The following CD180 variants were observed in gnomAD, a reference collection of about 807,000 sequenced individuals.
CD180 encodes CD180 antigen.
CD180 carries 11 observed loss-of-function variants against 10.7 expected under a neutral mutation model. That is an observed-to-expected ratio of 1.03 (90% CI 0.65 to 1.70). CD180 has a LOEUF of 1.70. CD180 is among the 40% of genes most tolerant of loss of function. CD180 has a pLI of 0.00. For missense variants in CD180, 729 were observed against 775.2 expected, an observed-to-expected ratio of 0.94 and a Z score of 0.71; for synonymous variants, 286 against 294.6, an observed-to-expected ratio of 0.97 and a Z score of 0.30.
Position 67,180,008 on chromosome 5 carries a change from A to T in CD180, c.*2849T>A, listed in dbSNP as rs1011280343. 6.6e-6 allele frequency: 1 copy of T among 152,258 alleles called. No homozygotes were observed. Among genetic ancestry groups the T allele is most frequent in the Non-Finnish European group, 1.5e-5 (1 of 68,044 alleles). 9.4% of individuals were successfully genotyped at this position (152,258 alleles called of 1,614,324 possible). A position where few individuals can be genotyped will look rare whatever the true frequency, so the allele number is the denominator to read the frequency against. On this transcript the variant is annotated 3_prime_UTR_variant, in exon 3 of 3. Transcript: ENST00000256447. ...ATAAACACACCATGTTACAGAGTCT[A>T]TCCTAGTAAACAGGTTAAAGCAATA...
At chr5:67,187,042 G>A (rs1429510952) in intron 1 of CD180, among the ~76,000 whole-genome samples, 1 of 152,164 alleles carries the variant, frequency 6.6e-6, no homozygotes, top group Non-Finnish European at 1.5e-5. Context: ...AGACTGTCAG[G>A]TAATTTTGAA....
chr5:67,187,950 T>C (rs1303840144), intron 1 of CD180, among the ~76,000 whole-genome samples: 1 of 152,054 alleles, frequency 6.6e-6, no homozygotes, highest in Non-Finnish European at 1.5e-5. Context: ...GGTAGGCAGA[T>C]CACGAGGTCA....
At chr5:67,188,720 T>C (rs1169854516) in intron 1 of CD180, among the ~76,000 whole-genome samples, 1 of 151,666 alleles carries the variant, frequency 6.6e-6, no homozygotes, top group African/African-American at 2.4e-5. Context: ...CAATTTCTGC[T>C]TAGCGATGCA....
chr5:67,183,924 C>G lies in CD180; in HGVS notation c.919G>C (p.Ala307Pro). ...FTQLQELDLT[A>P]THLKGLPSGM... is the part of the protein sequence containing the mutation. ...GAGGGTAACCCTTTCAAGTGAGTTG[C>G]TGTCAGATCCAATTCTTGGAGTTGG... Residue 307 changes from alanine (A) to proline (P), a missense_variant, in exon 3 of 3, where the codon GCA becomes CCA. By Grantham distance (27) the Ala-to-Pro change is conservative. Coordinates refer to ENST00000256447, the MANE Select transcript of CD180 (RefSeq NM_005582.3). 4 of 1,614,170 alleles carry G rather than the reference C, an allele frequency of 2.5e-6. No homozygotes were observed. Among genetic ancestry groups the G allele is most frequent in the Non-Finnish European group, 3.4e-6 (4 of 1,180,020 alleles).
In CD180 at chr5:67,196,677, C is replaced by T. The variant is rs898964400; in HGVS notation, c.-36G>A. On this transcript the variant is annotated 5_prime_UTR_variant, in exon 1 of 3. Transcript: ENST00000256447. ...GATTGCTTGGTGGGTTTACCTAATG[C>T]TTGGAGCTGAGAAATGGAATCAAAC... 2.5e-6 allele frequency: 4 copies of T among 1,613,210 alleles called. No individual in the cohort carries two copies. The East Asian group carries it at 6.7e-5, about 27-fold the overall frequency.
At chr5:67,184,809 C>T (rs574001951) in intron 2 of CD180, among the ~76,000 whole-genome samples, 3 of 151,978 alleles carry the variant, frequency 2.0e-5, no homozygotes, top group Non-Finnish European at 4.4e-5. Flanking sequence ...TTAGATTGAA[C>T]CCTCAGAGGT....
In CD180 at chr5:67,183,015, G is replaced by C. The variant is rs759441508; in HGVS notation, c.1828C>G (p.Pro610Ala). The change falls in exon 3 of 3, where the codon CCG (proline) becomes GCG (alanine). Residue 610 changes from proline to alanine, a missense_variant. Physicochemically the swap from Pro to Ala is conservative, Grantham distance 27 (BLOSUM62 -1). Transcript: ENST00000256447. ...EGSEETTCAN[P>A]PSLRGVKLSD... ...AGCTTAACTCCCCTTAGAGATGGCG[G>C]GTTTGCACACGTGGTCTCCTCCGAG... 1.2e-6 allele frequency: 2 copies of C among 1,614,218 alleles called. No individual in the cohort carries two copies. The highest frequency in any genetic ancestry group is 1.7e-6 in the Non-Finnish European group (2 of 1,180,038).
Position 67,196,670 on chromosome 5 carries a change from C to A in CD180, c.-29G>T. 1 of 1,613,624 alleles carries A rather than the reference C, an allele frequency of 6.2e-7. No individual in the cohort carries two copies. Among genetic ancestry groups the A allele is most frequent in the Non-Finnish European group, 8.5e-7 (1 of 1,179,786 alleles). On this transcript the variant is annotated 5_prime_UTR_variant, in exon 1 of 3. Coordinates refer to ENST00000256447, the MANE Select transcript of CD180 (RefSeq NM_005582.3). ...AGGCTAGGATTGCTTGGTGGGTTTA[C>A]CTAATGCTTGGAGCTGAGAAATGGA...
intron 1 of CD180, among the ~76,000 whole-genome samples, chr5:67,190,267 T>G (rs964399247): frequency 6.6e-6 from 1 of 152,242 alleles, no homozygotes; most frequent in Non-Finnish European, 1.5e-5. Context: ...GAAACATTTT[T>G]GAGCATGAGT....
chr5:67,184,159 G>C lies in CD180; in HGVS notation c.684C>G (p.Asn228Lys), dbSNP rs1254284590. The C allele has an allele frequency of 2.5e-6, 4 of 1,614,082 alleles. No homozygotes were observed. The highest frequency in any genetic ancestry group is 2.2e-5 in the South Asian group (2 of 91,074). The change falls in exon 3 of 3, where the codon AAC (asparagine) becomes AAG (lysine). Residue 228 changes from asparagine to lysine, a missense_variant. Coordinates refer to ENST00000256447, the MANE Select transcript of CD180 (RefSeq NM_005582.3). ...AFDSTIFQSL[N>K]FGGTPNLSVI... ...CAGACAAATTTGGAGTTCCTCCAAA[G>C]TTCAAACTTTGGAAGATCGTTGAAT...
rs560191770 is a variant in CD180, at chr5:67,193,015, A to G, written c.90+3537T>C. Among the ~76,000 whole-genome samples, 6 of 152,318 alleles carry G rather than the reference A, an allele frequency of 3.9e-5. No individual in the cohort carries two copies. In the East Asian group the frequency reaches 1.2e-3, roughly 29 times the overall value. ...AAGTTTGAATCCTTCTGCTGCGTAA[A>G]TGAATTTGATTGGGAAGCTGAGTGG... is the stretch of plus-strand genomic sequence containing the variant. On this transcript the variant is annotated intron_variant, in intron 1 of 2. Transcript: ENST00000256447.
At chr5:67,193,577 G>T (rs1386503329) in intron 1 of CD180, among the ~76,000 whole-genome samples, 2 of 152,216 alleles carry the variant, frequency 1.3e-5, no homozygotes, top group African/African-American at 4.8e-5. Context: ...ATACAGATCT[G>T]ATGCTAACTG....
chr5:67,183,907 C>G lies in CD180; in HGVS notation c.936G>C (p.Gly312=). 6.2e-7 allele frequency: 1 copy of G among 1,614,146 alleles called. No individual in the cohort carries two copies. The stretch of plus-strand genomic sequence containing the variant: ...TCAGACCCTTCATCCCAGAGGGTAA[C>G]CCTTTCAAGTGAGTTGCTGTCAGAT... ...ELDLTATHLK[G]LPSGMKGLNL... is the part of the protein sequence containing the mutation. Residue 312 remains glycine (G), a synonymous_variant, in exon 3 of 3, where the codon GGG becomes GGC. Transcript: ENST00000256447.
chr5:67,194,730 A>T (rs1258457810), intron 1 of CD180, among the ~76,000 whole-genome samples: 1 of 152,160 alleles, frequency 6.6e-6, no homozygotes, highest in Non-Finnish European at 1.5e-5. Context: ...GCAATTACAG[A>T]CCTTCCAACC....
Position 67,181,329 on chromosome 5 carries a change from G to C in CD180, c.*1528C>G, listed in dbSNP as rs1030871874. The C allele has an allele frequency of 6.6e-6, 1 of 152,178 alleles. No individual in the cohort carries two copies. Among genetic ancestry groups the C allele is most frequent in the Non-Finnish European group, 1.5e-5 (1 of 68,044 alleles). The allele number at this position is 152,178 out of a possible 1,614,324, so 9.4% of individuals were successfully genotyped here. ...GCACTGAAATCTCAAGATGAAGGAA[G>C]GAGCCATTTGGAGGCCAATGGCAGC... On this transcript the variant is annotated 3_prime_UTR_variant, in exon 3 of 3. Transcript: ENST00000256447.
At chr5:67,186,784 A>G (rs535580450) in intron 1 of CD180, among the ~76,000 whole-genome samples, 6 of 152,146 alleles carry the variant, frequency 3.9e-5, no homozygotes, top group African/African-American at 1.4e-4. Context: ...GTTTAACTTC[A>G]CATCTCAAAG....
chr5:67,195,571 C>G (rs553158265), intron 1 of CD180, among the ~76,000 whole-genome samples: 2 of 152,364 alleles, frequency 1.3e-5, no homozygotes, highest in East Asian at 3.9e-4. Flanking sequence ...ACCTTCCCAG[C>G]CTTCATTTCT....
Position 67,183,127 on chromosome 5 carries a change from A to T in CD180, c.1716T>A (p.Ile572=), listed in dbSNP as rs780949707. 1 of 1,610,314 alleles carries T rather than the reference A, an allele frequency of 6.2e-7. No homozygotes were observed. The highest frequency in any genetic ancestry group is 1.1e-5 in the South Asian group (1 of 90,738). The part of the protein sequence containing the change: ...LLPILSQQST[I]NLSHNPLDCT... ...AGTCCAGGGGGTTATGACTTAAATTAATGGTGCTCTGCTGGGACAAGATAG... is the reference window on the plus strand; with the variant it reads ...AGTCCAGGGGGTTATGACTTAAATTTATGGTGCTCTGCTGGGACAAGATAG... Residue 572 remains isoleucine (I), a synonymous_variant, in exon 3 of 3, where the codon ATT becomes ATA. Coordinates refer to ENST00000256447, the MANE Select transcript of CD180 (RefSeq NM_005582.3).
At chr5:67,188,076 A>G (rs1451596711) in intron 1 of CD180, among the ~76,000 whole-genome samples, 1 of 152,106 alleles carries the variant, frequency 6.6e-6, no homozygotes, top group Non-Finnish European at 1.5e-5. Flanking sequence ...AGGCTGAGGC[A>G]GGAGAATCGC....
Sources: gnomAD v4.1 joint callset for allele counts (sites outside exome capture counted in the v4.1 genomes callset) on GRCh38, gnomAD v4.1.1 for gene constraint, MANE v1.5 for transcripts, NCBI Gene and HGNC (gene_info 2026-07-23, HGNC 2026-07-21) for gene names.